SLC38A6: variants seen among roughly 807,000 people sequenced by gnomAD.
SLC38A6 encodes N system amino acid transporter NAT-1.
SLC38A6 carries 73 observed loss-of-function variants against 65.0 expected under a neutral mutation model. The observed-to-expected ratio is 1.12, with a 90% confidence interval of 0.93 to 1.37. SLC38A6 has a LOEUF of 1.37. SLC38A6 is among the 40% of genes most tolerant of loss of function. The pLI, the probability that SLC38A6 is intolerant of heterozygous loss-of-function variation, is 0.00. For missense variants in SLC38A6, 561 were observed against 531.1 expected, an observed-to-expected ratio of 1.06 and a Z score of -0.55; for synonymous variants, 183 against 178.8, an observed-to-expected ratio of 1.02 and a Z score of -0.19.
chr14:61,055,081 ATTTT>A (rs35859119), downstream of SLC38A6, among the ~76,000 whole-genome samples: 6 of 109,432 alleles, frequency 5.5e-5, no homozygotes, highest in Admixed American at 1.0e-4. Context: ...GCAGTGTTGA[ATTTT>A]TTTTTTTTTT....
rs142824192 is a variant in SLC38A6 at position 61,021,385 on chromosome 14, C to T, written c.403+1805C>T. Among the ~76,000 whole-genome samples, 3 of 152,240 alleles carry T rather than the reference C, an allele frequency of 2.0e-5. No homozygotes were observed. In the East Asian group the frequency reaches 5.8e-4, roughly 29 times the overall value. On this transcript the variant is annotated intron_variant, in intron 5 of 15. Coordinates refer to ENST00000267488, the MANE Select transcript of SLC38A6 (RefSeq NM_153811.3). ...CTAATTCAAGTATTGTTCCAGAGGG[C>T]AGAACTGGTGCTAATGTATAGAAAT...
chr14:61,028,940 A>C (rs192510386), intron 5 of SLC38A6, among the ~76,000 whole-genome samples: 1 of 152,258 alleles, frequency 6.6e-6, no homozygotes. Context: ...GTAATCATGA[A>C]GTTCAGCTCC....
intron 1 of SLC38A6, chr14:60,981,768 G>A (rs2037047601): frequency 1.6e-6 from 2 of 1,259,110 alleles, no homozygotes; most frequent in Non-Finnish European, 2.1e-6. Context: ...TTCCTCTTCC[G>A]ACTTAGTCAT....
At chr14:61,073,097 T>TA (rs2043284885) in intron 15 of SLC38A6, among the ~76,000 whole-genome samples, 2 of 152,364 alleles carry the variant, frequency 1.3e-5, no homozygotes, top group African/African-American at 4.8e-5. Context: ...GGTGAGATGA[T>TA]ATGGCAATTT....
At chr14:61,009,388 C>A (rs1566642327) in intron 3 of SLC38A6, among the ~76,000 whole-genome samples, 1 of 151,656 alleles carries the variant, frequency 6.6e-6, no homozygotes, top group Admixed American at 6.6e-5. Flanking sequence ...GGGGAAATAA[C>A]TTTTATTTTA....
intron 10 of SLC38A6, 88 bp downstream of exon 10, chr14:61,043,591 G>C (rs1404999674): frequency 1.2e-6 from 1 of 853,368 alleles, no homozygotes; most frequent in African/African-American, 1.7e-5. Context: ...TTAGGTCTTT[G>C]TACCTGTGAC....
At chr14:61,079,705 A>G (rs2043567490) in intron 16 of SLC38A6, among the ~76,000 whole-genome samples, 1 of 152,200 alleles carries the variant, frequency 6.6e-6, no homozygotes, top group African/African-American at 2.4e-5. Context: ...AAGGTTCCAC[A>G]TCTGCCAACT....
chr14:61,031,167 AAATT>A (rs1239590010), intron 6 of SLC38A6: 1 of 152,164 alleles, frequency 6.6e-6, no homozygotes, highest in Non-Finnish European at 1.5e-5. Flanking sequence ...GGAAAAAACA[AAATT>A]AATTGTACTT....
At chr14:61,027,717 T>C (rs181300192) in intron 5 of SLC38A6, among the ~76,000 whole-genome samples, 4 of 136,714 alleles carry the variant, frequency 2.9e-5, no homozygotes, top group African/African-American at 1.1e-4. Context: ...CTTTTCTGTA[T>C]TATATATAAT....
intron 3 of SLC38A6, among the ~76,000 whole-genome samples, chr14:60,986,078 G>A (rs2037428570): frequency 6.6e-6 from 1 of 152,236 alleles, no homozygotes; most frequent in Non-Finnish European, 1.5e-5. Flanking sequence ...TTCAACATGA[G>A]ATTTGGAGGG....
intron 15 of SLC38A6, among the ~76,000 whole-genome samples, chr14:61,076,572 A>G (rs2043427250): frequency 6.6e-6 from 1 of 152,280 alleles, no homozygotes; most frequent in African/African-American, 2.4e-5. Flanking sequence ...CTGTGTGCTT[A>G]ATTACCATGT....
chr14:61,010,869 C>G (rs140593827), intron 3 of SLC38A6, among the ~76,000 whole-genome samples: 2,779 of 152,238 alleles, frequency 0.018, 92 homozygotes, highest in African/African-American at 0.064. Flanking sequence ...AATGCGGGCT[C>G]TTTTTCAGTT....
At chr14:61,061,512 C>G (rs2042840331) in intron 15 of SLC38A6, among the ~76,000 whole-genome samples, 1 of 152,124 alleles carries the variant, frequency 6.6e-6, no homozygotes, top group African/African-American at 2.4e-5. Context: ...AGGAATAGTA[C>G]CTGCTCGTCT....
At chr14:61,014,203 C>T (rs1175586603) in intron 3 of SLC38A6, among the ~76,000 whole-genome samples, 1 of 152,164 alleles carries the variant, frequency 6.6e-6, no homozygotes, top group Non-Finnish European at 1.5e-5. Flanking sequence ...GCATTCATCA[C>T]GTAGTTCTCG....
At chr14:61,024,468 T>G (rs1025514129) in intron 5 of SLC38A6, among the ~76,000 whole-genome samples, 2 of 152,166 alleles carry the variant, frequency 1.3e-5, no homozygotes, top group Non-Finnish European at 2.9e-5. Context: ...GGACCCAAAG[T>G]CAGAAAAGAT....
intron 3 of SLC38A6, among the ~76,000 whole-genome samples, chr14:60,988,889 G>C (rs2037650970): frequency 6.6e-6 from 1 of 152,148 alleles, no homozygotes; most frequent in Admixed American, 6.6e-5. Flanking sequence ...ATCTTCCTGA[G>C]GAAAAGCACA....
intron 15 of SLC38A6, among the ~76,000 whole-genome samples, chr14:61,068,045 A>G (rs1186689266): frequency 6.6e-6 from 1 of 152,146 alleles, no homozygotes; most frequent in African/African-American, 2.4e-5. Flanking sequence ...CTGTAGTGTC[A>G]TCTAACCTGC....
In SLC38A6 at chr14:61,070,916, T is replaced by C. The variant is rs148498700; in HGVS notation, c.1291-7894T>C. 3.9e-3 allele frequency among the ~76,000 whole-genome samples: 596 copies of C among 152,340 alleles called. 1 individual carries two copies. Among genetic ancestry groups the C allele is most frequent in the African/African-American group, 0.013 (559 of 41,588 alleles). Reference sequence around the variant, plus strand: ...TTTAATTTTTTTGTTACTGAGTTGTTGTAGTTCCTTCTATATTTTGTATAT... The same window carrying C: ...TTTAATTTTTTTGTTACTGAGTTGTCGTAGTTCCTTCTATATTTTGTATAT... On this transcript the variant is annotated intron_variant, in intron 15 of 16. Coordinates refer to the SLC38A6 transcript ENST00000354886.
intron 4 of SLC38A6, 31 bp from the exon 5 acceptor site, chr14:61,019,510 C>G (rs181656820): frequency 6.2e-7 from 1 of 1,609,232 alleles, no homozygotes; most frequent in East Asian, 2.2e-5. Context: ...GTTTCCCCTT[C>G]TATCTTCTGA....
Sources: gnomAD v4.1 joint callset for allele counts (sites outside exome capture counted in the v4.1 genomes callset) on GRCh38, gnomAD v4.1.1 for gene constraint, MANE v1.5 for transcripts, NCBI Gene and HGNC (gene_info 2026-07-23, HGNC 2026-07-21) for gene names.